TAB2: variants seen among roughly 807,000 people sequenced by gnomAD.
TAB2 encodes the protein TGF-beta activated kinase 1 (MAP3K7) binding protein 2.
Under a neutral mutation model 65.0 loss-of-function variants are expected in TAB2, and 3 were observed. The observed-to-expected ratio is 0.05, with a 90% confidence interval of 0.02 to 0.12. The LOEUF is 0.12. TAB2 is among the 10% of genes least tolerant of loss of function. The pLI is 1.00. For missense variants in TAB2, 623 were observed against 840.3 expected (o/e 0.74, Z 3.20); for synonymous variants, 298 against 285.1 (o/e 1.05, Z -0.46).
chr6:149,219,643 C>G (rs1777098241), intron 1 of TAB2, among the ~76,000 whole-genome samples: 1 of 152,106 alleles, frequency 6.6e-6, no homozygotes, highest in Admixed American at 6.6e-5. Context: ...TTTATGTTGC[C>G]TTTATTTTTA....
intron 1 of TAB2, among the ~76,000 whole-genome samples, chr6:149,359,035 C>T (rs1228380608): frequency 2.0e-5 from 3 of 151,892 alleles, no homozygotes; most frequent in Non-Finnish European, 4.4e-5. Flanking sequence ...TTCCTTTTAT[C>T]TCCACAGTCA....
chr6:149,401,878 A>G (rs1444797418), intron 6 of TAB2, among the ~76,000 whole-genome samples: 3 of 152,128 alleles, frequency 2.0e-5, no homozygotes, highest in African/African-American at 7.2e-5. Context: ...CAAGAAGGAA[A>G]TCAAAAGGGA....
chr6:149,405,464 C>A (rs757823089), intron 6 of TAB2, among the ~76,000 whole-genome samples: 3 of 152,164 alleles, frequency 2.0e-5, no homozygotes, highest in Non-Finnish European at 2.9e-5. Flanking sequence ...ATTTTCCTTT[C>A]AGTATTATTC....
At chr6:149,234,095 T>C (rs1777452766) in intron 1 of TAB2, among the ~76,000 whole-genome samples, 1 of 152,334 alleles carries the variant, frequency 6.6e-6, no homozygotes, top group Non-Finnish European at 1.5e-5. Context: ...ACCAAGTCTT[T>C]AAGAACTATA....
chr6:149,399,846 G>A (rs1031764843), intron 6 of TAB2, among the ~76,000 whole-genome samples: 47 of 152,190 alleles, frequency 3.1e-4, no homozygotes, highest in African/African-American at 1.1e-3. Flanking sequence ...AGGTAAAAAT[G>A]TGTTAATGGA....
At chr6:149,394,486 CT>C (rs1178789566) in intron 3 of TAB2, among the ~76,000 whole-genome samples, 4 of 152,024 alleles carry the variant, frequency 2.6e-5, no homozygotes, top group African/African-American at 9.7e-5. Context: ...GCTTGTATGT[CT>C]CATAATTTTT....
At chr6:149,288,927 G>A (rs941525934) in intron 1 of TAB2, among the ~76,000 whole-genome samples, 5 of 145,576 alleles carry the variant, frequency 3.4e-5, no homozygotes, top group South Asian at 2.1e-4. Flanking sequence ...GTGCAATCTC[G>A]GCTCACTGCA....
chr6:149,277,623 C>A (rs960668340), intron 1 of TAB2, among the ~76,000 whole-genome samples: 3 of 151,984 alleles, frequency 2.0e-5, no homozygotes, highest in Non-Finnish European at 4.4e-5. Flanking sequence ...CTTTTTTATA[C>A]CTTTTGATAT....
At chr6:149,301,135 TAGA>T (rs1778965559) in intron 1 of TAB2, among the ~76,000 whole-genome samples, 1 of 152,144 alleles carries the variant, frequency 6.6e-6, no homozygotes, top group Admixed American at 6.5e-5. Flanking sequence ...TGTAAGAGAG[TAGA>T]AGCTCTTGGC....
At chr6:149,345,137 G>A (rs1780252163) in intron 1 of TAB2, among the ~76,000 whole-genome samples, 1 of 151,894 alleles carries the variant, frequency 6.6e-6, no homozygotes, top group African/African-American at 2.4e-5. Flanking sequence ...TAGTCAGTTT[G>A]AGTGCTTGCA....
chr6:149,387,927 T>C (rs1438058050), intron 3 of TAB2, among the ~76,000 whole-genome samples: 2 of 152,232 alleles, frequency 1.3e-5, no homozygotes, highest in African/African-American at 4.8e-5. Flanking sequence ...CCTTAAGTAG[T>C]TGCTAATCTT....
intron 1 of TAB2, among the ~76,000 whole-genome samples, chr6:149,229,643 G>C (rs1042755569): frequency 6.6e-6 from 1 of 152,132 alleles, no homozygotes; most frequent in Admixed American, 6.5e-5. Flanking sequence ...GGCAATAGGT[G>C]GTGATCCAGC....
Position 149,370,719 on chromosome 6 carries a change from T to C in TAB2, c.102+620T>C, listed in dbSNP as rs372385547. ...TTTTGGAAATTTACAATTCCAAATATTGAGTGATAGTTGTGCCTTTCTATT... is the reference window on the plus strand; with the variant it reads ...TTTTGGAAATTTACAATTCCAAATACTGAGTGATAGTTGTGCCTTTCTATT... On this transcript the variant is annotated intron_variant, in intron 2 of 6. Transcript: ENST00000637181. Among the ~76,000 whole-genome samples, 5 of 152,282 alleles carry C rather than the reference T, an allele frequency of 3.3e-5. No individual in the cohort carries two copies. The South Asian group carries it at 1.0e-3, about 32-fold the overall frequency.
chr6:149,403,251 T>A (rs1175419046), intron 6 of TAB2, among the ~76,000 whole-genome samples: 1,464 of 28,844 alleles, frequency 0.051, 67 homozygotes, highest in East Asian at 0.21. Flanking sequence ...AAAAAAAATA[T>A]ATATATATAT....
At chr6:149,296,450 T>C (rs1778878140) in intron 1 of TAB2, among the ~76,000 whole-genome samples, 1 of 152,262 alleles carries the variant, frequency 6.6e-6, no homozygotes, top group Non-Finnish European at 1.5e-5. Context: ...CTCTGTGGGT[T>C]CTCATTTTCC....
At chr6:149,356,876 TATATG>T (rs1426900967) in intron 1 of TAB2, among the ~76,000 whole-genome samples, 5 of 152,206 alleles carry the variant, frequency 3.3e-5, no homozygotes, top group African/African-American at 1.2e-4. Flanking sequence ...TAAAATCTCT[TATATG>T]ATTAATTTGC....
intron 2 of TAB2, among the ~76,000 whole-genome samples, chr6:149,372,030 A>T (rs1004547136): frequency 3.3e-5 from 5 of 152,200 alleles, no homozygotes. Context: ...TAACAGAAAG[A>T]TACTGTAAGT....
In TAB2 at chr6:149,348,182, C is replaced by T. The variant is rs546448867; in HGVS notation, c.-89-21727C>T. ...CCAAGGTGGGAGGATCACTTGAGTC[C>T]AGGAGTTCAAGACCAACCTTGGCAA... On this transcript the variant is annotated intron_variant, in intron 1 of 6. Coordinates refer to ENST00000637181, the MANE Select transcript of TAB2 (RefSeq NM_001292034.3). 9.2e-5 allele frequency among the ~76,000 whole-genome samples: 14 copies of T among 152,172 alleles called. No homozygotes were observed. The South Asian group carries it at 2.9e-3, about 32-fold the overall frequency.
intron 6 of TAB2, among the ~76,000 whole-genome samples, chr6:149,401,523 A>G (rs1463775703): frequency 1.8e-4 from 27 of 152,134 alleles, no homozygotes; most frequent in Admixed American, 1.4e-3. Flanking sequence ...TTATAAATAT[A>G]TACACACCCC....
Sources: allele counts gnomAD v4.1 joint callset (sites outside exome capture counted in the v4.1 genomes callset), GRCh38; gene constraint gnomAD v4.1.1; transcripts MANE v1.5; gene names NCBI Gene and HGNC (gene_info 2026-07-23, HGNC 2026-07-21).